The following DNAH2 variants were observed in gnomAD, a reference collection of about 807,000 sequenced individuals.
The protein encoded by DNAH2 is dynein axonemal heavy chain 2.
In DNAH2, 323 loss-of-function variants were observed where a neutral mutation model predicts 523.5. The observed-to-expected ratio is 0.62, with a 90% CI of 0.56 to 0.68. The LOEUF (loss-of-function observed/expected upper bound fraction) is 0.68, where lower values mean the gene tolerates loss of function less well. Ranked by LOEUF, DNAH2 falls within the 30% of genes least tolerant of loss-of-function variation. The pLI, the probability that DNAH2 is intolerant of heterozygous loss-of-function variation, is 0.00. For synonymous variants in DNAH2, 2,093 were observed against 2,177.4 expected (o/e 0.96, Z 1.08); for missense variants, 4,907 against 5,701.5 (o/e 0.86, Z 4.49).
At position 7,774,304 on chromosome 17, in the gene DNAH2, G is replaced by A. The variant is rs1016204525; in HGVS notation, c.4502-455G>A. Reference sequence around the variant, plus strand: ...CAGGGAACCTCCGCAGCATGGAGACGCTGGACAGAGGGATAATTCACATCC... The same window carrying A: ...CAGGGAACCTCCGCAGCATGGAGACACTGGACAGAGGGATAATTCACATCC... On this transcript the variant is annotated intron_variant, in intron 28 of 85. Transcript: ENST00000572933. Among the ~76,000 whole-genome samples the A allele has an allele frequency of 1.2e-4, 18 of 152,250 alleles. No individual in the cohort carries two copies. The Middle Eastern group carries it at 0.014, about 115-fold the overall frequency.
chr17:7,755,029 C>T (rs992039232), intron 12 of DNAH2: 7 of 353,756 alleles, frequency 2.0e-5, no homozygotes, highest in Admixed American at 1.7e-4. Context: ...GGAGGAGGGA[C>T]TGTCCTATCA....
At chr17:7,819,513 G>T in intron 72 of DNAH2, 105 bp downstream of exon 72, 1 of 1,205,044 alleles carries the variant, frequency 8.3e-7, no homozygotes, top group African/African-American at 1.5e-5. Context: ...TCAGCCTGCC[G>T]CTGTCCTTGG....
At chr17:7,777,406 T>C in intron 32 of DNAH2, 40 bp from the exon 33 acceptor site, 1 of 1,611,196 alleles carries the variant, frequency 6.2e-7, no homozygotes, top group Non-Finnish European at 8.5e-7. Context: ...TTTGGCGGCA[T>C]TGCTCTGTCT....
At chr17:7,765,635 C>A in intron 21 of DNAH2, 70 bp downstream of exon 21, 1 of 1,541,686 alleles carries the variant, frequency 6.5e-7, no homozygotes, top group Non-Finnish European at 8.8e-7. Flanking sequence ...AGCCCAGGTC[C>A]TGGGAAGGCG....
In DNAH2 at chr17:7,832,312, A is replaced by G. The variant is rs1159712059; in HGVS notation, c.12727-267A>G. Reference sequence around the variant, plus strand: ...CACCTGAGTTTAGGAGTTTGAGACCAGCCTGGTCAACATGGTGAAACCCCG... The same window carrying G: ...CACCTGAGTTTAGGAGTTTGAGACCGGCCTGGTCAACATGGTGAAACCCCG... On this transcript the variant is annotated intron_variant, in intron 82 of 85. Transcript: ENST00000572933. This position sits in a 1 kb window ranked among gnomAD's most constrained non-coding sequence, Gnocchi z 4.3. Among the ~76,000 whole-genome samples the G allele has an allele frequency of 6.6e-6, 1 of 152,050 alleles. No individual in the cohort carries two copies. The highest frequency in any genetic ancestry group is 1.5e-5 in the Non-Finnish European group (1 of 68,004).
chr17:7,744,987 T>C (rs1281368652), intron 12 of DNAH2, among the ~76,000 whole-genome samples: 1 of 152,052 alleles, frequency 6.6e-6, no homozygotes, highest in Non-Finnish European at 1.5e-5. Context: ...ATGATCAATC[T>C]TTACATTTCT....
chr17:7,749,006 T>C (rs1398019497), intron 12 of DNAH2, among the ~76,000 whole-genome samples: 1 of 151,494 alleles, frequency 6.6e-6, no homozygotes, highest in East Asian at 1.9e-4. Context: ...TGCCTTAAAG[T>C]TATCTTGAAA....
chr17:7,720,575 G>A lies in DNAH2; in HGVS notation c.166+675G>A, dbSNP rs576258995. 1.4e-4 allele frequency among the ~76,000 whole-genome samples: 22 copies of A among 152,296 alleles called. 1 individual carries two copies. The highest frequency in any genetic ancestry group is 4.6e-4 in the African/African-American group (19 of 41,552). On this transcript the variant is annotated intron_variant, in intron 2 of 85. Transcript: ENST00000572933. ...TTTTTGGTAGTTGTTGCTATTGCTGGGATCTCCCTGAGAGCACTGGTCAGT... is the reference window on the plus strand; with the variant it reads ...TTTTTGGTAGTTGTTGCTATTGCTGAGATCTCCCTGAGAGCACTGGTCAGT...
Position 7,795,922 on chromosome 17 carries a change from G to A in DNAH2, c.7675-542G>A, listed in dbSNP as rs764404250. 1.1e-3 allele frequency among the ~76,000 whole-genome samples: 167 copies of A among 146,202 alleles called. 4 individuals carry two copies. Among genetic ancestry groups the A allele is most frequent in the Middle Eastern group, 3.6e-3 (1 of 278 alleles). ...ATCAGGCAGAGAATTGCTTGAACCC[G>A]GGAGGCGGAAGTTGCAGTATAAATA... On this transcript the variant is annotated intron_variant, in intron 49 of 85. Coordinates refer to ENST00000572933, the MANE Select transcript of DNAH2 (RefSeq NM_020877.5).
intron 2 of DNAH2, among the ~76,000 whole-genome samples, chr17:7,721,277 G>A (rs1370035050): frequency 3.9e-5 from 6 of 152,174 alleles, no homozygotes; most frequent in South Asian, 2.1e-4. Context: ...GGGTTCAAGC[G>A]ATTCTCCTGC....
chr17:7,758,137 C>T (rs2075896281), intron 13 of DNAH2, among the ~76,000 whole-genome samples: 1 of 152,170 alleles, frequency 6.6e-6, no homozygotes, highest in Admixed American at 6.6e-5. Flanking sequence ...GTGGCTATTT[C>T]CATGTAAATT....
intron 39 of DNAH2, among the ~76,000 whole-genome samples, chr17:7,783,244 A>C (rs1265421499): frequency 6.6e-6 from 1 of 151,742 alleles, no homozygotes; most frequent in Non-Finnish European, 1.5e-5. Context: ...CACCCAGCTA[A>C]TTTTGTATTT....
rs754581981 is a variant in DNAH2 at position 7,775,245 on chromosome 17, G to A, written c.4724G>A (p.Gly1575Glu). 1.2e-6 allele frequency: 2 copies of A among 1,612,618 alleles called. No individual in the cohort carries two copies. The highest frequency in any genetic ancestry group is 1.7e-6 in the Non-Finnish European group (2 of 1,179,390). The change falls in exon 30 of 86, where the codon GGA (glycine) becomes GAA (glutamate). Residue 1575 changes from glycine to glutamate, a missense_variant. Gly to Glu is a moderately conservative substitution (Grantham distance 98). Transcript: ENST00000572933. ...AGTAGCTTCTGCTTTCTGCAGGTTG[G>A]AGGGCCCAGCAGCAAATGGGAAGCT... ...NIKLLRIQKV[G>E]GPSSKWEAVG...
At chr17:7,741,236 C>CTCTCTTTCTTTCTTTCTT (rs1555540638) in intron 11 of DNAH2, among the ~76,000 whole-genome samples, 30 of 85,658 alleles carry the variant, frequency 3.5e-4, no homozygotes, top group African/African-American at 1.2e-3. Context: ...TTTTCTCTCT[C>CTCTCTTTCTTTCTTTCTT]TCTTTCTTTC....
At position 7,743,059 on chromosome 17, in the gene DNAH2, C is replaced by T; in HGVS notation, c.1821C>T (p.Asp607=). The part of the protein sequence containing the change: ...KTFQEWTSSL[D]KDCIRRLDTP... ...TCCAAGAGTGGACATCAAGTCTGGA[C>T]AAGGATTGCATTCGGCGGTTGGATA... Residue 607 remains aspartate, a synonymous_variant, in exon 12 of 86, where the codon GAC becomes GAT. Coordinates refer to ENST00000572933, the MANE Select transcript of DNAH2 (RefSeq NM_020877.5). The T allele has an allele frequency of 6.5e-7, 1 of 1,534,148 alleles. No homozygotes were observed. Among genetic ancestry groups the T allele is most frequent in the African/African-American group, 1.4e-5 (1 of 72,082 alleles).
intron 39 of DNAH2, among the ~76,000 whole-genome samples, chr17:7,783,274 T>C (rs1034597098): frequency 2.0e-5 from 3 of 151,918 alleles, no homozygotes; most frequent in African/African-American, 7.3e-5. Flanking sequence ...ACGGGGTTTC[T>C]CCATGTTGGT....
intron 28 of DNAH2, among the ~76,000 whole-genome samples, chr17:7,771,994 G>A (rs2076331062): frequency 1.3e-5 from 2 of 152,172 alleles, no homozygotes; most frequent in Admixed American, 6.6e-5. Context: ...GGGATTACAG[G>A]TGTGGGACAC....
In DNAH2 at chr17:7,830,885, G is replaced by A. The variant is rs1206147766; in HGVS notation, c.12230+43G>A. On this transcript the variant is annotated intron_variant, in intron 79 of 85. Coordinates refer to ENST00000572933, the MANE Select transcript of DNAH2 (RefSeq NM_020877.5). ...CTGGACAGGGAGCCAGAGGTCACAAGTCAGCCAGGTGGTGGGATCAGGGGT... is the reference window on the plus strand; with the variant it reads ...CTGGACAGGGAGCCAGAGGTCACAAATCAGCCAGGTGGTGGGATCAGGGGT... 1.9e-6 allele frequency: 3 copies of A among 1,610,458 alleles called. No individual in the cohort carries two copies. The African/African-American group carries it at 4.0e-5, about 21-fold the overall frequency.
In DNAH2 at chr17:7,805,413, A is replaced by G; in HGVS notation, c.9442+20A>G. 1 of 1,613,928 alleles carries G rather than the reference A, an allele frequency of 6.2e-7. No homozygotes were observed. Among genetic ancestry groups the G allele is most frequent in the Non-Finnish European group, 8.5e-7 (1 of 1,179,988 alleles). ...AGCTAGGTAAGCTAGAGACAATGAA[A>G]TCAATGACTTCCACTCACCCAGTGT... On this transcript the variant is annotated intron_variant, in intron 61 of 85. Transcript: ENST00000572933.
Sources: allele counts gnomAD v4.1 joint callset (sites outside exome capture counted in the v4.1 genomes callset), GRCh38; gene constraint gnomAD v4.1.1; non-coding constraint Gnocchi (gnomAD v3.1); transcripts MANE v1.5; gene names NCBI Gene and HGNC (gene_info 2026-07-23, HGNC 2026-07-21).